Variants in TNC observed in about 807,000 individuals in gnomAD.
The protein encoded by TNC is tenascin.
Under a neutral mutation model 202.4 loss-of-function variants are expected in TNC, and 109 were observed. The ratio of observed to expected loss-of-function variants is 0.54; its 90% CI spans 0.46 to 0.63. The LOEUF is 0.63. Ranked by LOEUF, TNC falls within the 30% of genes least tolerant of loss-of-function variation. The pLI, the probability that TNC is intolerant of heterozygous loss-of-function variation, is 0.00. For missense variants in TNC, 2,756 were observed against 2,833.3 expected, an observed-to-expected ratio of 0.97 and a Z score of 0.62; for synonymous variants, 1,007 against 1,089.7, an observed-to-expected ratio of 0.92 and a Z score of 1.50.
chr9:115,090,900 G>A lies in TNC; in HGVS notation c.119C>T (p.Thr40Ile), dbSNP rs1835175965. ...RHKRQSGVNA[T>I]LPEENQPVVF... ...CACTGGCTGGTTCTCTTCTGGCAGG[G>A]TGGCGTTCACCCCACTCTGTCGCTT... is the stretch of plus-strand genomic sequence containing the variant. The change falls in exon 2 of 28, where the codon ACC becomes ATC. Residue 40 changes from threonine to isoleucine, a missense_variant. This residue lies in a region of TNC where 2,559 missense variants were observed against 2,546.0 expected (regional missense o/e 1.01). Transcript: ENST00000350763. 2 of 1,614,144 alleles carry A rather than the reference G, an allele frequency of 1.2e-6. No individual in the cohort carries two copies. Among genetic ancestry groups the A allele is most frequent in the Non-Finnish European group, 1.7e-6 (2 of 1,180,032 alleles).
chr9:115,066,070 G>A (rs576835140), intron 10 of TNC, among the ~76,000 whole-genome samples: 25 of 152,212 alleles, frequency 1.6e-4, no homozygotes, highest in South Asian at 1.2e-3. Context: ...GTATTATTAA[G>A]GCTGAGCTAA....
intron 27 of TNC, among the ~76,000 whole-genome samples, chr9:115,022,892 C>T (rs1420191764): frequency 6.6e-6 from 1 of 152,124 alleles, no homozygotes; most frequent in East Asian, 1.9e-4. Context: ...CATTTGCTAG[C>T]AGTTAATTAG....
chr9:115,031,431 A>T, intron 23 of TNC, 122 bp downstream of exon 23: 1 of 1,116,530 alleles, frequency 9.0e-7, no homozygotes, highest in Non-Finnish European at 1.2e-6. Context: ...AAGTAGTAGC[A>T]GTGAATCGAT....
At chr9:115,021,930 G>C (rs1225987128) in intron 27 of TNC, among the ~76,000 whole-genome samples, 1 of 152,160 alleles carries the variant, frequency 6.6e-6, no homozygotes, top group South Asian at 2.1e-4. Flanking sequence ...ACAGAGCTGG[G>C]CACGTCGTAG....
Position 115,086,959 on chromosome 9 carries a change from C to T in TNC, c.772G>A (p.Glu258Lys). ...CCATCTACACATGTGCCGTGCTCCT[C>T]ACTGCAGGGCACTGGGCAGATTTCA... ...SREICPVPCS[E>K]EHGTCVDGLC... Residue 258 changes from glutamate (E) to lysine (K), a missense_variant, in exon 3 of 28, where the codon GAG becomes AAG. This residue lies in a region of TNC where 2,559 missense variants were observed against 2,546.0 expected (regional missense o/e 1.01). Coordinates refer to ENST00000350763, the MANE Select transcript of TNC (RefSeq NM_002160.4). The T allele has an allele frequency of 1.9e-6, 3 of 1,614,222 alleles. No homozygotes were observed. Among genetic ancestry groups the T allele is most frequent in the Non-Finnish European group, 1.7e-6 (2 of 1,180,054 alleles).
chr9:115,033,372 T>A (rs1177005481), intron 22 of TNC, among the ~76,000 whole-genome samples: 1 of 152,192 alleles, frequency 6.6e-6, no homozygotes, highest in East Asian at 1.9e-4. Context: ...GCTGGGTTCA[T>A]TGAATTACTT....
chr9:115,074,805 C>T (rs10817707), intron 9 of TNC, among the ~76,000 whole-genome samples: 13,140 of 152,200 alleles, frequency 0.086, 710 homozygotes, highest in African/African-American at 0.15. Context: ...AGTATATACA[C>T]ACACATACGA....
At chr9:115,095,716 C>A (rs1294222675) in intron 1 of TNC, among the ~76,000 whole-genome samples, 2 of 136,604 alleles carry the variant, frequency 1.5e-5, no homozygotes, top group Non-Finnish European at 3.1e-5. Flanking sequence ...ATATATATAT[C>A]TCCATATATA....
At chr9:115,047,431 C>T (rs1282544018) in intron 16 of TNC, among the ~76,000 whole-genome samples, 1 of 152,100 alleles carries the variant, frequency 6.6e-6, no homozygotes, top group African/African-American at 2.4e-5. Flanking sequence ...AGTGTGCTCA[C>T]AGTGAACTAT....
Position 115,081,894 on chromosome 9 carries a change from A to G in TNC, c.2282T>C (p.Leu761Pro), listed in dbSNP as rs775550592. The change falls in exon 6 of 28, where the codon CTG becomes CCG. Residue 761 changes from leucine (L) to proline (P), a missense_variant. Physicochemically the swap from Leu to Pro is moderately conservative, Grantham distance 98. This residue lies in a region of TNC where 2,559 missense variants were observed against 2,546.0 expected (regional missense o/e 1.01). Coordinates refer to ENST00000350763, the MANE Select transcript of TNC (RefSeq NM_002160.4). The part of the protein sequence containing the change: ...KEDEGEITKS[L>P]RRPETSYRQT... ...CCGGTAAGAGGTCTCTGGCCTCCTC[A>G]GGCTTTTGGTGATCTCTCCCTCATC... is the stretch of plus-strand genomic sequence containing the variant. 7 of 1,594,900 alleles carry G rather than the reference A, an allele frequency of 4.4e-6. No homozygotes were observed. Among genetic ancestry groups the G allele is most frequent in the Non-Finnish European group, 6.0e-6 (7 of 1,175,206 alleles).
At chr9:115,115,555 A>T (rs1837400513) in intron 1 of TNC, among the ~76,000 whole-genome samples, 2 of 152,238 alleles carry the variant, frequency 1.3e-5, no homozygotes, top group Non-Finnish European at 2.9e-5. Context: ...GAGTAGGCTC[A>T]TCATATATTT....
intron 7 of TNC, among the ~76,000 whole-genome samples, chr9:115,077,060 GTTAT>G (rs1373638925): frequency 6.6e-6 from 1 of 151,394 alleles, no homozygotes; most frequent in Non-Finnish European, 1.5e-5. Flanking sequence ...ACCACGCCCA[GTTAT>G]TTATTTATTT....
chr9:115,037,322 T>C (rs1830406390), intron 20 of TNC, among the ~76,000 whole-genome samples: 1 of 152,052 alleles, frequency 6.6e-6, no homozygotes, highest in Non-Finnish European at 1.5e-5. Context: ...AATTACACAA[T>C]TATTTCTAGA....
chr9:115,042,682 T>G (rs988849709), intron 17 of TNC, among the ~76,000 whole-genome samples: 2 of 152,236 alleles, frequency 1.3e-5, no homozygotes, highest in African/African-American at 4.8e-5. Flanking sequence ...TTCTTAAATC[T>G]TTGCTTTCTA....
At chr9:115,046,042 AATAG>A (rs1204204845) in intron 17 of TNC, among the ~76,000 whole-genome samples, 1 of 151,800 alleles carries the variant, frequency 6.6e-6, no homozygotes, top group African/African-American at 2.4e-5. Context: ...ATGATGAGAT[AATAG>A]ATAGAAGGAA....
At chr9:115,033,606 G>A (rs1830103933) in intron 22 of TNC, among the ~76,000 whole-genome samples, 1 of 152,190 alleles carries the variant, frequency 6.6e-6, no homozygotes, top group Non-Finnish European at 1.5e-5. Context: ...AGCTCACACA[G>A]TGAGATAGTT....
intron 1 of TNC, among the ~76,000 whole-genome samples, chr9:115,102,326 C>A (rs1340823226): frequency 6.6e-6 from 1 of 152,188 alleles, no homozygotes; most frequent in African/African-American, 2.4e-5. Flanking sequence ...TACTATCAAT[C>A]CTCCAGAAGT....
At position 115,077,221 on chromosome 9, in the gene TNC, AT is replaced by A. The variant is rs376411649; in HGVS notation, c.2675-647del. ...AGGCACCCGCCACCACGCCTGGCTA[AT>A]TTTTTTTGTATTTTTAGTAGAGACG... On this transcript the variant is annotated intron_variant, in intron 7 of 27. Transcript: ENST00000350763. Among the ~76,000 whole-genome samples, 1,020 of 151,460 alleles carry A rather than the reference AT, an allele frequency of 6.7e-3. 7 individuals are homozygous for A. Among genetic ancestry groups the A allele is most frequent in the Middle Eastern group, 0.031 (9 of 294 alleles).
Position 115,040,969 on chromosome 9 carries a change from A to C in TNC, c.5364T>G (p.Ser1788Arg). 1 of 1,614,026 alleles carries C rather than the reference A, an allele frequency of 6.2e-7. No individual in the cohort carries two copies. The highest frequency in any genetic ancestry group is 8.5e-7 in the Non-Finnish European group (1 of 1,179,962). ...SIIAMKGFEE[S>R]EPVSGSFTTA... Reference sequence around the variant, plus strand: ...TGGTGAATGACCCTGAGACAGGTTCACTTTCCTCAAAGCCCTTCATGGCGA... The same window carrying C: ...TGGTGAATGACCCTGAGACAGGTTCCCTTTCCTCAAAGCCCTTCATGGCGA... Residue 1788 changes from serine to arginine, a missense_variant, in exon 19 of 28, where the codon AGT becomes AGG. Ser to Arg is a moderately radical substitution (Grantham distance 110, BLOSUM62 -1). This residue lies in a region of TNC where 2,559 missense variants were observed against 2,546.0 expected (regional missense o/e 1.01). Coordinates refer to ENST00000350763, the MANE Select transcript of TNC (RefSeq NM_002160.4).
Sources: allele counts gnomAD v4.1 joint callset (sites outside exome capture counted in the v4.1 genomes callset), GRCh38; gene constraint gnomAD v4.1.1; regional missense constraint gnomAD v4.1.1; transcripts MANE v1.5; gene names NCBI Gene and HGNC (gene_info 2026-07-23, HGNC 2026-07-21).